The following KIAA1549 variants were observed in gnomAD, a reference collection of about 807,000 sequenced individuals.
The protein encoded by KIAA1549 is UPF0606 protein KIAA1549.
A neutral mutation model predicts 156.4 loss-of-function variants in KIAA1549; 70 were observed. The observed-to-expected ratio is 0.45, with a 90% CI of 0.37 to 0.55. The LOEUF (loss-of-function observed/expected upper bound fraction) is 0.55. Among genes scored for constraint, KIAA1549 ranks in the 20% least tolerant of loss-of-function variants. The pLI is 0.00. For missense variants in KIAA1549, 2,428 were observed against 2,540.9 expected, an observed-to-expected ratio of 0.96 and a Z score of 0.96; for synonymous variants, 1,103 against 1,066.4, an observed-to-expected ratio of 1.03 and a Z score of -0.67.
At chr7:138,883,163 C>T (rs1811295946) in intron 10 of KIAA1549, among the ~76,000 whole-genome samples, 1 of 147,148 alleles carries the variant, frequency 6.8e-6, no homozygotes, top group Non-Finnish European at 1.5e-5. Flanking sequence ...ATCCCAGCTA[C>T]TCGGGAGGGT....
intron 1 of KIAA1549, among the ~76,000 whole-genome samples, chr7:138,928,344 T>C (rs1812781406): frequency 6.6e-6 from 1 of 151,856 alleles, no homozygotes; most frequent in South Asian, 2.1e-4. Context: ...TGGAGTGCAG[T>C]GGTGCAATCT....
chr7:138,908,838 G>A (rs1168420538), intron 5 of KIAA1549, among the ~76,000 whole-genome samples, 153 bp downstream of exon 5: 4 of 152,130 alleles, frequency 2.6e-5, no homozygotes, highest in South Asian at 2.1e-4. Flanking sequence ...ACGCTATGCC[G>A]ACCTTACGCC....
intron 3 of KIAA1549, among the ~76,000 whole-genome samples, chr7:138,912,041 C>G (rs78484894): frequency 1.3e-5 from 2 of 152,202 alleles, no homozygotes; most frequent in Non-Finnish European, 2.9e-5. Context: ...AAACACGAAT[C>G]CAAGTCCTTT....
At chr7:138,925,951 A>G (rs1812704932) in intron 1 of KIAA1549, among the ~76,000 whole-genome samples, 1 of 151,762 alleles carries the variant, frequency 6.6e-6, no homozygotes, top group Non-Finnish European at 1.5e-5. Flanking sequence ...TTGGACTCTG[A>G]AGCCCCGCAG....
rs1811913389 is a variant in KIAA1549, at chr7:138,903,795, G to A, written c.3521-59C>T. 3 of 13,792 alleles carry A rather than the reference G, an allele frequency of 2.2e-4. No homozygotes were observed. The East Asian group carries it at 2.3e-3, about 10-fold the overall frequency. The allele number at this position is 13,792 out of a possible 1,614,324, so 0.9% of individuals were successfully genotyped here. ...AACAAGTCAGCAGTAAAAAAACAGT[G>A]TGTGTGTGTGTGTGTGTGTGTGTGT... On this transcript the variant is annotated intron_variant, in intron 7 of 19. Coordinates refer to ENST00000422774, the MANE Select transcript of KIAA1549 (RefSeq NM_001164665.2).
chr7:138,937,249 A>C (rs1813042827), intron 1 of KIAA1549, among the ~76,000 whole-genome samples: 1 of 151,898 alleles, frequency 6.6e-6, no homozygotes, highest in Non-Finnish European at 1.5e-5. Context: ...AGAACCCTGC[A>C]TGTGCTTCTC....
At chr7:138,855,874 C>CT (rs140290225) in intron 16 of KIAA1549, among the ~76,000 whole-genome samples, 41,580 of 151,802 alleles carry the variant, frequency 0.27, 5,984 homozygotes, top group Admixed American at 0.33. Context: ...GATGATGACT[C>CT]TGCCTTCTCT....
chr7:138,954,046 G>C (rs1813583316), intron 1 of KIAA1549, among the ~76,000 whole-genome samples: 1 of 119,146 alleles, frequency 8.4e-6, no homozygotes, highest in Admixed American at 7.0e-5. Flanking sequence ...TGTGCAAAAT[G>C]CTAGCAAGGC....
Position 138,862,758 on chromosome 7 carries a change from T to C in KIAA1549, c.4930-1302A>G, listed in dbSNP as rs1359257889. 2.6e-5 allele frequency among the ~76,000 whole-genome samples: 4 copies of C among 151,968 alleles called. No individual in the cohort carries two copies. In the South Asian group the frequency reaches 6.2e-4, roughly 24 times the overall value. On this transcript the variant is annotated intron_variant, in intron 15 of 19. Coordinates refer to ENST00000422774, the MANE Select transcript of KIAA1549 (RefSeq NM_001164665.2). ...CCAGCGTGGCCAACATGGTGAAACC[T>C]TGTCTCTACTAAAAATATAAAAATT...
Position 138,836,471 on chromosome 7 carries a change from C to T in KIAA1549, c.*1435G>A, listed in dbSNP as rs1809710497. On this transcript the variant is annotated 3_prime_UTR_variant, in exon 20 of 20. Transcript: ENST00000422774. ...ATGACACATTTCTCAGAATGCATCC[C>T]CATCATTAAGCGATGCATGACTGTC... is the stretch of plus-strand genomic sequence containing the variant. 2 of 214,544 alleles carry T rather than the reference C, an allele frequency of 9.3e-6. No individual in the cohort carries two copies. Among genetic ancestry groups the T allele is most frequent in the Admixed American group, 1.2e-4 (2 of 17,132 alleles). 13.3% of individuals were successfully genotyped at this position (214,544 alleles called of 1,614,324 possible).
intron 12 of KIAA1549, among the ~76,000 whole-genome samples, chr7:138,876,973 T>A (rs1811102418): frequency 6.6e-6 from 1 of 152,086 alleles, no homozygotes; most frequent in Non-Finnish European, 1.5e-5. Flanking sequence ...CATTGCAAGG[T>A]GGGTCCTTAA....
chr7:138,947,951 C>T (rs2130534770), intron 1 of KIAA1549, among the ~76,000 whole-genome samples: 1 of 152,098 alleles, frequency 6.6e-6, no homozygotes, highest in South Asian at 2.1e-4. Flanking sequence ...TTTGTAGAGA[C>T]AGGGTTTCGC....
At position 138,857,078 on chromosome 7, in the gene KIAA1549, C is replaced by A. The variant is rs140753629; in HGVS notation, c.5247+4061G>T. Among the ~76,000 whole-genome samples, 6 of 152,274 alleles carry A rather than the reference C, an allele frequency of 3.9e-5. No individual in the cohort carries two copies. In the East Asian group the frequency reaches 1.2e-3, roughly 29 times the overall value. On this transcript the variant is annotated intron_variant, in intron 16 of 19. Transcript: ENST00000422774. ...TTCAGACTGGAAACCATCGCTCAGG[C>A]CTTCAAACTACACCACTGGCTTCTG...
At chr7:138,890,631 A>G (rs1444992275) in intron 10 of KIAA1549, among the ~76,000 whole-genome samples, 2 of 152,326 alleles carry the variant, frequency 1.3e-5, no homozygotes, top group East Asian at 3.9e-4. Context: ...GTGAACTGAG[A>G]CCACCTACAC....
chr7:138,881,671 T>C, intron 10 of KIAA1549, 87 bp from the exon 11 acceptor site: 3 of 1,172,732 alleles, frequency 2.6e-6, no homozygotes, highest in Non-Finnish European at 3.6e-6. Flanking sequence ...AAGACTGTGC[T>C]GGCAATTCCA....
chr7:138,919,076 C>G lies in KIAA1549; in HGVS notation c.550G>C (p.Gly184Arg), dbSNP rs750145618. Residue 184 changes from glycine to arginine, a missense_variant, in exon 2 of 20, where the codon GGG becomes CGG. Gly to Arg is a moderately radical substitution (Grantham distance 125). Transcript: ENST00000422774. The stretch of plus-strand genomic sequence containing the variant: ...GGTTCTAATGCTTCCCTGGGCAGCC[C>G]TGGTGGGCTGACTGTGATATACTGT... Reference protein sequence around the residue: ...PIQYITVSPPGLPREALEPML... With the variant: ...PIQYITVSPPRLPREALEPML... 2 of 1,613,878 alleles carry G rather than the reference C, an allele frequency of 1.2e-6. No homozygotes were observed. Among genetic ancestry groups the G allele is most frequent in the African/African-American group, 2.7e-5 (2 of 74,912 alleles).
In KIAA1549 at chr7:138,909,855, G is replaced by C. The variant is rs1352215110; in HGVS notation, c.3146-734C>G. 1.3e-5 allele frequency among the ~76,000 whole-genome samples: 2 copies of C among 152,028 alleles called. 1 individual carries two copies. The highest frequency in any genetic ancestry group is 3.9e-4 in the East Asian group (2 of 5,186). On this transcript the variant is annotated intron_variant, in intron 4 of 19. Transcript: ENST00000422774. ...CCAGCCACTCAGGAGGCTCAGGCAA[G>C]AGAATTGCCTGAGCCCGGGAGGCAA... is the stretch of plus-strand genomic sequence containing the variant.
Position 138,831,891 on chromosome 7 carries a change from AAC to A in KIAA1549, c.*6013_*6014del, listed in dbSNP as rs1179079460. The A allele has an allele frequency of 1.3e-5, 3 of 232,810 alleles. No individual in the cohort carries two copies. In the Admixed American group the frequency reaches 1.7e-4, roughly 13 times the overall value. The allele number at this position is 232,810 out of a possible 1,614,324, so 14.4% of individuals were successfully genotyped here. ...GGGCGTTCCCACTCCCCTTTTCTGA[AAC>A]AAGTCCTCTGGTGCTTAGAGCAACT... On this transcript the variant is annotated 3_prime_UTR_variant, in exon 20 of 20. Coordinates refer to ENST00000422774, the MANE Select transcript of KIAA1549 (RefSeq NM_001164665.2).
At chr7:138,876,902 A>G (rs1405550932) in intron 12 of KIAA1549, among the ~76,000 whole-genome samples, 1 of 152,236 alleles carries the variant, frequency 6.6e-6, no homozygotes, top group African/African-American at 2.4e-5. Flanking sequence ...GTCAGCTGGA[A>G]AAGGAATAAA....
Sources: gnomAD v4.1 joint callset for allele counts (sites outside exome capture counted in the v4.1 genomes callset) on GRCh38, gnomAD v4.1.1 for gene constraint, MANE v1.5 for transcripts, NCBI Gene and HGNC (gene_info 2026-07-23, HGNC 2026-07-21) for gene names.